Variants in PRICKLE1 observed in about 807,000 individuals in gnomAD.
PRICKLE1 encodes the protein prickle planar cell polarity protein 1, also known as prickle-like protein 1.
PRICKLE1 carries 14 observed loss-of-function variants against 70.2 expected under a neutral mutation model. The ratio of observed to expected loss-of-function variants is 0.20; its 90% CI spans 0.13 to 0.31. The LOEUF is 0.31. Ranked by LOEUF, PRICKLE1 falls within the 10% of genes least tolerant of loss-of-function variation. The pLI is 1.00. For synonymous variants in PRICKLE1, 357 were observed against 379.9 expected, an observed-to-expected ratio of 0.94 and a Z score of 0.70; for missense variants, 821 against 1,026.2, an observed-to-expected ratio of 0.80 and a Z score of 2.73.
intron 1 of PRICKLE1, among the ~76,000 whole-genome samples, chr12:42,570,909 TAAAGA>T (rs1940701126): frequency 6.6e-6 from 1 of 152,154 alleles, no homozygotes; most frequent in South Asian, 2.1e-4. Context: ...CCAATCAAAA[TAAAGA>T]ATAGAATATT....
chr12:42,487,133 T>C (rs772984341), intron 1 of PRICKLE1, among the ~76,000 whole-genome samples: 8 of 152,202 alleles, frequency 5.3e-5, no homozygotes, highest in Non-Finnish European at 1.2e-4. Flanking sequence ...ATCACTGTAA[T>C]GATATTTTGT....
chr12:42,461,808 T>TC (rs1246828201), intron 7 of PRICKLE1, among the ~76,000 whole-genome samples: 5 of 151,514 alleles, frequency 3.3e-5, no homozygotes, highest in Non-Finnish European at 5.9e-5. Flanking sequence ...TTCGTACTTA[T>TC]TTTTTTTTGA....
At chr12:42,571,807 A>G (rs556763069) in intron 1 of PRICKLE1, among the ~76,000 whole-genome samples, 51 of 152,364 alleles carry the variant, frequency 3.3e-4, no homozygotes, top group Admixed American at 2.7e-3. Context: ...GTATGAGTAC[A>G]TGCCCCAGTC....
At chr12:42,461,572 C>CG (rs1937838340) in intron 7 of PRICKLE1, among the ~76,000 whole-genome samples, 2 of 152,196 alleles carry the variant, frequency 1.3e-5, no homozygotes, top group South Asian at 4.1e-4. Context: ...AAAGGGCTAT[C>CG]GAGCCCATTA....
intron 1 of PRICKLE1, among the ~76,000 whole-genome samples, chr12:42,489,142 C>T (rs1178548009): frequency 2.0e-5 from 3 of 150,920 alleles, no homozygotes; most frequent in African/African-American, 7.3e-5. Context: ...AGACTGGTCT[C>T]GAACTCCTGA....
intron 1 of PRICKLE1, among the ~76,000 whole-genome samples, chr12:42,504,595 C>G (rs1416767916): frequency 6.6e-6 from 1 of 151,956 alleles, no homozygotes; most frequent in Non-Finnish European, 1.5e-5. Context: ...GTAACAGAAA[C>G]CAAAGTAACT....
chr12:42,476,875 C>T (rs1938559575), intron 1 of PRICKLE1, among the ~76,000 whole-genome samples: 1 of 150,890 alleles, frequency 6.6e-6, no homozygotes, highest in African/African-American at 2.4e-5. Flanking sequence ...GTCTCAAACT[C>T]CTGGACTCAA....
chr12:42,469,576 GC>G lies in PRICKLE1; in HGVS notation c.257del (p.Cys86SerfsTer4). 3 of 1,614,006 alleles carry G rather than the reference GC, an allele frequency of 1.9e-6. No homozygotes were observed. The highest frequency in any genetic ancestry group is 2.5e-6 in the Non-Finnish European group (3 of 1,180,032). On this transcript the variant is annotated frameshift_variant, in exon 4 of 8. Transcript: ENST00000345127. LOFTEE classifies it high-confidence loss of function. ...LPPHDNEVRY[C>X]QSLSEEEKKE... Reference sequence around the variant, plus strand: ...TTTTCTCCTCTTCACTCAAAGACTGGCAATACCGTACCTTCACAGAAAGCAA... The same window carrying G: ...TTTTCTCCTCTTCACTCAAAGACTGGAATACCGTACCTTCACAGAAAGCAA...
intron 1 of PRICKLE1, among the ~76,000 whole-genome samples, chr12:42,570,058 C>G (rs1467337571): frequency 6.6e-6 from 1 of 152,226 alleles, no homozygotes; most frequent in Non-Finnish European, 1.5e-5. Flanking sequence ...AAGGCAAAGC[C>G]TTATAGGCTC....
At chr12:42,527,397 T>C (rs1289495660) in intron 1 of PRICKLE1, among the ~76,000 whole-genome samples, 1 of 152,172 alleles carries the variant, frequency 6.6e-6, no homozygotes, top group African/African-American at 2.4e-5. Context: ...CCTCTCAAAG[T>C]GCTGGGATTA....
Position 42,557,511 on chromosome 12 carries a change from T to C in PRICKLE1, c.-49+31954A>G, listed in dbSNP as rs1202845576. On this transcript the variant is annotated intron_variant, in intron 1 of 7. Transcript: ENST00000345127. ...TCCCCAACATATGCTTCCCTGAAAA[T>C]TTGGGGTGGGGGGAATCAGTAATCA... 3.3e-5 allele frequency among the ~76,000 whole-genome samples: 5 copies of C among 152,064 alleles called. No homozygotes were observed. In the East Asian group the frequency reaches 9.6e-4, roughly 29 times the overall value.
chr12:42,493,949 G>C (rs1185786229), intron 1 of PRICKLE1, among the ~76,000 whole-genome samples: 3 of 152,022 alleles, frequency 2.0e-5, no homozygotes, highest in East Asian at 3.8e-4. Context: ...ATACTTCAGA[G>C]ATATTGTGAG....
intron 1 of PRICKLE1, among the ~76,000 whole-genome samples, chr12:42,517,433 C>G (rs912501346): frequency 1.3e-5 from 2 of 151,316 alleles, no homozygotes; most frequent in Admixed American, 1.3e-4. Context: ...CTGCCTCAGC[C>G]TCCTGAGTAG....
At chr12:42,487,613 A>T (rs985599385) in intron 1 of PRICKLE1, among the ~76,000 whole-genome samples, 13 of 152,214 alleles carry the variant, frequency 8.5e-5, no homozygotes, top group African/African-American at 2.4e-4. Context: ...AATGTCTATT[A>T]TCTGTCAATT....
At chr12:42,501,196 C>T (rs952726332) in intron 1 of PRICKLE1, among the ~76,000 whole-genome samples, 6 of 134,794 alleles carry the variant, frequency 4.5e-5, no homozygotes, top group Non-Finnish European at 1.0e-4. Context: ...ATGGAGCCAC[C>T]GCTCAAAACA....
At chr12:42,546,325 A>T (rs1004520298) in intron 1 of PRICKLE1, among the ~76,000 whole-genome samples, 2 of 152,258 alleles carry the variant, frequency 1.3e-5, no homozygotes, top group African/African-American at 4.8e-5. Flanking sequence ...ATATTGAGAC[A>T]AAATGAGAAT....
At chr12:42,497,796 G>A (rs574016039) in intron 1 of PRICKLE1, among the ~76,000 whole-genome samples, 27 of 152,082 alleles carry the variant, frequency 1.8e-4, no homozygotes, top group Non-Finnish European at 3.2e-4. Flanking sequence ...TTGCCACAAC[G>A]CAGTATCTGT....
At chr12:42,478,220 C>T (rs1413108183) in intron 1 of PRICKLE1, among the ~76,000 whole-genome samples, 3 of 152,102 alleles carry the variant, frequency 2.0e-5, no homozygotes, top group Admixed American at 2.0e-4. Context: ...GTATTCTTGA[C>T]TATTCTAAGG....
At chr12:42,583,554 G>T (rs1038639062) in intron 1 of PRICKLE1, among the ~76,000 whole-genome samples, 2 of 152,122 alleles carry the variant, frequency 1.3e-5, no homozygotes, top group African/African-American at 4.8e-5. Flanking sequence ...TTAGTTACTG[G>T]TAGTACTTTG....
Sources: gnomAD v4.1 joint callset for allele counts (sites outside exome capture counted in the v4.1 genomes callset) on GRCh38, gnomAD v4.1.1 for gene constraint, MANE v1.5 for transcripts, NCBI Gene and HGNC (gene_info 2026-07-23, HGNC 2026-07-21) for gene names.